Variants in THSD7B observed in about 807,000 individuals in gnomAD.
THSD7B encodes the protein thrombospondin type-1 domain-containing protein 7B.
Under a neutral mutation model 213.6 loss-of-function variants are expected in THSD7B, and 138 were observed. The ratio of observed to expected loss-of-function variants is 0.65; its 90% CI spans 0.56 to 0.74. The LOEUF (loss-of-function observed/expected upper bound fraction) is 0.74, where lower values mean the gene tolerates loss of function less well. Among genes scored for constraint, THSD7B ranks in the 30% least tolerant of loss-of-function variants. The pLI is 0.00. For synonymous variants in THSD7B, 742 were observed against 687.0 expected, an observed-to-expected ratio of 1.08 and a Z score of -1.25; for missense variants, 1,931 against 1,991.5, an observed-to-expected ratio of 0.97 and a Z score of 0.58.
chr2:137,500,309 AAAAC>A (rs1287266599), intron 15 of THSD7B, among the ~76,000 whole-genome samples: 3 of 152,234 alleles, frequency 2.0e-5, no homozygotes, highest in Non-Finnish European at 4.4e-5. Context: ...TACCACAGGA[AAAAC>A]AAATTAAAGC....
At chr2:137,153,489 A>G (rs1679854684) in intron 5 of THSD7B, among the ~76,000 whole-genome samples, 1 of 152,162 alleles carries the variant, frequency 6.6e-6, no homozygotes, top group African/African-American at 2.4e-5. Context: ...CAATATGGCT[A>G]AAATTAAGCT....
intron 1 of THSD7B, among the ~76,000 whole-genome samples, chr2:136,782,998 A>G (rs1417515706): frequency 1.3e-5 from 2 of 152,370 alleles, no homozygotes; most frequent in East Asian, 3.9e-4. Flanking sequence ...TTCACATTTC[A>G]GAGCAAACAT....
intron 12 of THSD7B, among the ~76,000 whole-genome samples, chr2:137,302,624 C>A (rs1683633247): frequency 6.6e-6 from 1 of 151,938 alleles, no homozygotes; most frequent in Non-Finnish European, 1.5e-5. Context: ...GGGGTAGTAG[C>A]TGGTGGAGGG....
intron 5 of THSD7B, among the ~76,000 whole-genome samples, chr2:137,159,679 G>A (rs954615515): frequency 7.2e-5 from 11 of 151,986 alleles, no homozygotes; most frequent in African/African-American, 2.7e-4. Context: ...GATTTCCAAG[G>A]GCCAGTTCTG....
At chr2:137,173,478 T>C (rs1680303091) in intron 7 of THSD7B, among the ~76,000 whole-genome samples, 1 of 152,250 alleles carries the variant, frequency 6.6e-6, no homozygotes, top group Non-Finnish European at 1.5e-5. Flanking sequence ...TCATCAGCTT[T>C]ACTGTTTTAC....
chr2:137,082,051 C>T (rs1687757079), intron 3 of THSD7B, among the ~76,000 whole-genome samples: 1 of 152,228 alleles, frequency 6.6e-6, no homozygotes, highest in South Asian at 2.1e-4. Flanking sequence ...CAGTCTCTTA[C>T]ATTTTGAAGT....
At chr2:137,244,071 G>A (rs565058682) in intron 10 of THSD7B, among the ~76,000 whole-genome samples, 3 of 152,258 alleles carry the variant, frequency 2.0e-5, no homozygotes, top group East Asian at 3.9e-4. Context: ...GTGTAATGTC[G>A]TTTCAAAGCA....
intron 12 of THSD7B, among the ~76,000 whole-genome samples, chr2:137,366,491 TA>T (rs1364397709): frequency 6.6e-6 from 1 of 152,122 alleles, no homozygotes; most frequent in Admixed American, 6.6e-5. Flanking sequence ...AAGGATCAAA[TA>T]AGAGAATATC....
chr2:136,920,768 G>T (rs1350366445), intron 2 of THSD7B, among the ~76,000 whole-genome samples: 1 of 152,066 alleles, frequency 6.6e-6, no homozygotes, highest in Non-Finnish European at 1.5e-5. Flanking sequence ...GCACCAAGCT[G>T]CCCTCAGCTC....
intron 9 of THSD7B, among the ~76,000 whole-genome samples, chr2:137,239,737 A>C (rs1323140423): frequency 6.6e-6 from 1 of 152,208 alleles, no homozygotes; most frequent in Non-Finnish European, 1.5e-5. Context: ...ACTTTTGATC[A>C]AGTTTCTTAG....
In THSD7B at chr2:137,590,792, G is replaced by GTTTTTTTTTTTTTTTTTTTTT. The variant is rs1215185747; in HGVS notation, c.3423+18237_3423+18257dup. Among the ~76,000 whole-genome samples, 76 of 88,694 alleles carry GTTTTTTTTTTTTTTTTTTTTT rather than the reference G, an allele frequency of 8.6e-4. 5 individuals carry two copies. Among genetic ancestry groups the GTTTTTTTTTTTTTTTTTTTTT allele is most frequent in the East Asian group, 1.7e-3 (5 of 2,892 alleles). 58.2% of individuals were successfully genotyped at this position (88,694 alleles called of 152,430 possible). A position where few individuals can be genotyped will look rare whatever the true frequency, so the allele number is the denominator to read the frequency against. On this transcript the variant is annotated intron_variant, in intron 17 of 27. Coordinates refer to ENST00000409968, the MANE Select transcript of THSD7B (RefSeq NM_001316349.2). Reference sequence around the variant, plus strand: ...GCATTTTTCCCTCTGCTTTGAAATAGTTTTTTTTTTTTTTTTTTTTTAGCT... The same window carrying GTTTTTTTTTTTTTTTTTTTTT: ...GCATTTTTCCCTCTGCTTTGAAATAGTTTTTTTTTTTTTTTTTTTTTTTTTTTTTTTTTTTTTTTTTTAGCT...
At chr2:137,586,479 G>T (rs1489462665) in intron 17 of THSD7B, among the ~76,000 whole-genome samples, 1 of 152,214 alleles carries the variant, frequency 6.6e-6, no homozygotes, top group Non-Finnish European at 1.5e-5. Context: ...GGTACCGGTT[G>T]TTCCTTTCCA....
At chr2:137,241,850 A>C (rs1376978877) in intron 9 of THSD7B, among the ~76,000 whole-genome samples, 1 of 151,694 alleles carries the variant, frequency 6.6e-6, no homozygotes. Flanking sequence ...TGGAGGTTGC[A>C]GTGAGCCGAG....
rs544743797 is a variant in THSD7B at position 136,916,111 on chromosome 2, GT to G, written c.139+33799del. ...AGTACAGGTACAGGCAATGATGGATGTTTTTGTTTTTGTTTCTTGTTTTTAT... is the reference window on the plus strand; with the variant it reads ...AGTACAGGTACAGGCAATGATGGATGTTTTGTTTTTGTTTCTTGTTTTTAT... On this transcript the variant is annotated intron_variant, in intron 2 of 27. Transcript: ENST00000409968. Among the ~76,000 whole-genome samples, 128 of 152,286 alleles carry G rather than the reference GT, an allele frequency of 8.4e-4. 1 individual carries two copies. The highest frequency in any genetic ancestry group is 3.1e-3 in the African/African-American group (127 of 41,550).
At chr2:136,974,115 T>G (rs1685443868) in intron 2 of THSD7B, among the ~76,000 whole-genome samples, 1 of 152,212 alleles carries the variant, frequency 6.6e-6, no homozygotes, top group Non-Finnish European at 1.5e-5. Flanking sequence ...CATTGTATAT[T>G]GTTACCTCTA....
intron 5 of THSD7B, among the ~76,000 whole-genome samples, chr2:137,133,579 G>A (rs140230957): frequency 7.4e-4 from 112 of 152,196 alleles, no homozygotes; most frequent in African/African-American, 2.6e-3. Flanking sequence ...CCCTGGAGAT[G>A]CCTATGCTGT....
chr2:137,339,855 G>A (rs1467226543), intron 12 of THSD7B, among the ~76,000 whole-genome samples: 1 of 151,404 alleles, frequency 6.6e-6, no homozygotes, highest in East Asian at 1.9e-4. Context: ...ACTGAGTTAA[G>A]GAAAGAGGGA....
intron 2 of THSD7B, among the ~76,000 whole-genome samples, chr2:136,987,308 T>C (rs935685527): frequency 6.6e-6 from 1 of 152,212 alleles, no homozygotes; most frequent in Non-Finnish European, 1.5e-5. Flanking sequence ...GTATGCCACA[T>C]CTGTAGCAAT....
chr2:137,637,385 C>A (rs1449876656), intron 20 of THSD7B, among the ~76,000 whole-genome samples: 2 of 152,094 alleles, frequency 1.3e-5, no homozygotes, highest in Non-Finnish European at 2.9e-5. Context: ...TAACAATTAC[C>A]CAACAGAAGC....
Sources: allele counts gnomAD v4.1 joint callset (sites outside exome capture counted in the v4.1 genomes callset), GRCh38; gene constraint gnomAD v4.1.1; transcripts MANE v1.5; gene names NCBI Gene and HGNC (gene_info 2026-07-23, HGNC 2026-07-21).